CCDC88A: variants seen among roughly 807,000 people sequenced by gnomAD.
The protein encoded by CCDC88A is girdin.
In CCDC88A, 54 loss-of-function variants were observed where a neutral mutation model predicts 234.3. That is an observed-to-expected ratio of 0.23 (90% CI 0.19 to 0.29). The LOEUF is 0.29. Ranked by LOEUF, CCDC88A falls within the 10% of genes least tolerant of loss-of-function variation. The pLI, the probability that CCDC88A is intolerant of heterozygous loss-of-function variation, is 1.00. For missense variants in CCDC88A, 1,832 were observed against 2,123.4 expected, an observed-to-expected ratio of 0.86 and a Z score of 2.70; for synonymous variants, 753 against 737.8, an observed-to-expected ratio of 1.02 and a Z score of -0.33.
At chr2:55,388,189 A>C (rs1184142165) in intron 3 of CCDC88A, among the ~76,000 whole-genome samples, 1 of 152,222 alleles carries the variant, frequency 6.6e-6, no homozygotes, top group Non-Finnish European at 1.5e-5. Flanking sequence ...TACAAACCAC[A>C]TTCTTTGACC....
chr2:55,303,389 T>C lies in CCDC88A; in HGVS notation c.4388-237A>G, dbSNP rs540950941. Among the ~76,000 whole-genome samples the C allele has an allele frequency of 1.4e-3, 207 of 145,714 alleles. 1 individual carries two copies. Among genetic ancestry groups the C allele is most frequent in the Admixed American group, 4.0e-3 (60 of 15,070 alleles). On this transcript the variant is annotated intron_variant, in intron 25 of 32. Coordinates refer to ENST00000436346, the MANE Select transcript of CCDC88A (RefSeq NM_001365480.1). The stretch of plus-strand genomic sequence containing the variant: ...ACTGAAGACAATGATGAGGAACATA[T>C]ACTTTTTTTTTTTTTTTTTTGAGAC...
At chr2:55,344,585 T>A (rs1235346951) in intron 10 of CCDC88A, 71 bp from the exon 11 acceptor site, 3 of 866,020 alleles carry the variant, frequency 3.5e-6, no homozygotes, top group African/African-American at 1.7e-5. Flanking sequence ...CAGATTATCA[T>A]AAAACATTAA....
chr2:55,346,408 A>ATTTT, intron 9 of CCDC88A, 75 bp from the exon 10 acceptor site: 1 of 800,002 alleles, frequency 1.3e-6, no homozygotes, highest in South Asian at 2.3e-5. Context: ...ACAATTTGAA[A>ATTTT]TTTTATTTAT....
At chr2:55,409,679 C>A (rs1374599551) in intron 2 of CCDC88A, among the ~76,000 whole-genome samples, 5 of 150,638 alleles carry the variant, frequency 3.3e-5, no homozygotes, top group Non-Finnish European at 4.4e-5. Context: ...CTCCTCGGCC[C>A]ACATGCTTCC....
At chr2:55,378,729 A>G (rs1012397562) in intron 3 of CCDC88A, among the ~76,000 whole-genome samples, 2 of 151,432 alleles carry the variant, frequency 1.3e-5, no homozygotes, top group Non-Finnish European at 1.5e-5. Context: ...GATTTTTTAT[A>G]CACATATACT....
chr2:55,381,320 G>A (rs754715284), intron 3 of CCDC88A, among the ~76,000 whole-genome samples: 87 of 152,086 alleles, frequency 5.7e-4, no homozygotes, highest in Non-Finnish European at 9.1e-4. Context: ...GGGAGGCTGA[G>A]GCAGATGGAT....
At chr2:55,343,010 C>A (rs1431464811) in intron 12 of CCDC88A, among the ~76,000 whole-genome samples, 3 of 152,026 alleles carry the variant, frequency 2.0e-5, no homozygotes, top group Non-Finnish European at 4.4e-5. Context: ...ATATCCAAAG[C>A]TATAATCCAA....
chr2:55,388,683 A>C, intron 3 of CCDC88A, 95 bp downstream of exon 3: 1 of 604,064 alleles, frequency 1.7e-6, no homozygotes, highest in Non-Finnish European at 3.0e-6. Context: ...CCTAGCATAT[A>C]ATAAGCGTTT....
At chr2:55,387,148 G>A (rs2104884912) in intron 3 of CCDC88A, among the ~76,000 whole-genome samples, 1 of 117,028 alleles carries the variant, frequency 8.5e-6, no homozygotes, top group South Asian at 2.9e-4. Context: ...CTGCATTCCA[G>A]CCAGGGCAAC....
chr2:55,334,105 T>C lies in CCDC88A; in HGVS notation c.2716A>G (p.Thr906Ala). Residue 906 changes from threonine (T) to alanine (A), a missense_variant, in exon 15 of 33, where the codon ACA (threonine) becomes GCA (alanine). Coordinates refer to ENST00000436346, the MANE Select transcript of CCDC88A (RefSeq NM_001365480.1). The surrounding 1 kb of genome is among the most constrained non-coding windows in gnomAD (Gnocchi z 6.1). ...GTAAACATATTTACCTCACGTAGTG[T>C]AACCAACGTTTTTATATCAATAGTT... ...RATIDIKTLV[T>A]LREDLVSEKL... is the part of the protein sequence containing the mutation. The C allele has an allele frequency of 7.7e-7, 1 of 1,299,068 alleles. No individual in the cohort carries two copies. The highest frequency in any genetic ancestry group is 9.9e-7 in the Non-Finnish European group (1 of 1,008,366). 80.5% of individuals were successfully genotyped at this position (1,299,068 alleles called of 1,614,324 possible).
intron 25 of CCDC88A, 47 bp from the exon 26 acceptor site, chr2:55,303,199 A>G: frequency 8.8e-7 from 1 of 1,140,996 alleles, no homozygotes; most frequent in South Asian, 1.3e-5. Context: ...GAGATGAAAG[A>G]AAAAAGGGAG....
At chr2:55,371,327 T>C (rs1672818588) in intron 5 of CCDC88A, among the ~76,000 whole-genome samples, 1 of 152,186 alleles carries the variant, frequency 6.6e-6, no homozygotes, top group African/African-American at 2.4e-5. Context: ...TGTAAGATTA[T>C]AGCTCCCAAG....
At chr2:55,384,629 A>ACATATATACGTATGTATG (rs1558789005) in intron 3 of CCDC88A, among the ~76,000 whole-genome samples, 2 of 114,352 alleles carry the variant, frequency 1.7e-5, no homozygotes, top group African/African-American at 7.2e-5. Context: ...ACGTATATAT[A>ACATATATACGTATGTATG]TGTATATATG....
At chr2:55,304,441 A>G (rs913520003) in intron 25 of CCDC88A, among the ~76,000 whole-genome samples, 5 of 152,236 alleles carry the variant, frequency 3.3e-5, no homozygotes, top group African/African-American at 9.6e-5. Context: ...TCTTTTGACC[A>G]GAGTATTTCT....
In CCDC88A at chr2:55,328,103, A is replaced by T. The variant is rs1187192500; in HGVS notation, c.2997+191T>A. ...GGCAGGAATATTACACACATGAAATAGCACTGAATAAGCTATACCATATTC... is the reference window on the plus strand; with the variant it reads ...GGCAGGAATATTACACACATGAAATTGCACTGAATAAGCTATACCATATTC... On this transcript the variant is annotated intron_variant, in intron 17 of 32. Coordinates refer to ENST00000436346, the MANE Select transcript of CCDC88A (RefSeq NM_001365480.1). This position sits in a 1 kb window ranked among gnomAD's most constrained non-coding sequence, Gnocchi z 4.3. Among the ~76,000 whole-genome samples, 2 of 152,256 alleles carry T rather than the reference A, an allele frequency of 1.3e-5. No individual in the cohort carries two copies. Among genetic ancestry groups the T allele is most frequent in the Non-Finnish European group, 2.9e-5 (2 of 68,050 alleles).
chr2:55,396,389 T>G (rs1379931779), intron 2 of CCDC88A, among the ~76,000 whole-genome samples: 3 of 152,208 alleles, frequency 2.0e-5, no homozygotes, highest in African/African-American at 7.2e-5. Context: ...CTCTCATCTA[T>G]GACTGTCTCC....
intron 8 of CCDC88A, among the ~76,000 whole-genome samples, chr2:55,350,780 G>A (rs990441279): frequency 6.6e-5 from 10 of 151,756 alleles, no homozygotes; most frequent in Admixed American, 3.3e-4. Flanking sequence ...CTGCCTCAGC[G>A]TCCGGAATAG....
intron 9 of CCDC88A, 119 bp downstream of exon 9, chr2:55,349,399 A>T: frequency 1.4e-6 from 1 of 720,020 alleles, no homozygotes; most frequent in South Asian, 1.8e-5. Context: ...AATCTCTTGA[A>T]GCCTCAGGAA....
intron 5 of CCDC88A, among the ~76,000 whole-genome samples, chr2:55,364,550 A>T (rs971189910): frequency 6.6e-6 from 1 of 152,082 alleles, no homozygotes; most frequent in African/African-American, 2.4e-5. Flanking sequence ...TTAATAAAAG[A>T]AACCCACTTT....
Sources: gnomAD v4.1 joint callset for allele counts (sites outside exome capture counted in the v4.1 genomes callset) on GRCh38, gnomAD v4.1.1 for gene constraint, Gnocchi (gnomAD v3.1) non-coding constraint, MANE v1.5 for transcripts, NCBI Gene and HGNC (gene_info 2026-07-23, HGNC 2026-07-21) for gene names.